The following NHSL2 variants were observed in gnomAD, a reference collection of about 807,000 sequenced individuals.
The protein encoded by NHSL2 is NHS-like protein 2.
In NHSL2, 27 loss-of-function variants were observed where a neutral mutation model predicts 53.4. The observed-to-expected ratio is 0.51, with a 90% CI of 0.37 to 0.70. The LOEUF (loss-of-function observed/expected upper bound fraction) is 0.70. NHSL2 is among the 30% of genes least tolerant of loss of function. The pLI, the probability that NHSL2 is intolerant of heterozygous loss-of-function variation, is 0.00. For synonymous variants in NHSL2, 408 were observed against 404.1 expected, an observed-to-expected ratio of 1.01 and a Z score of -0.12; for missense variants, 892 against 980.1, an observed-to-expected ratio of 0.91 and a Z score of 1.20.
chrX:72,054,313 T>C (rs912593411), intron 1 of NHSL2, among the ~76,000 whole-genome samples: 3 of 111,146 alleles, frequency 2.7e-5, no homozygotes, highest in African/African-American at 9.8e-5. Context: ...CCCCCCAATC[T>C]CCACTCCCAT....
intron 1 of NHSL2, among the ~76,000 whole-genome samples, chrX:72,051,967 C>T (rs1035448219): frequency 6.2e-5 from 7 of 112,478 alleles, no homozygotes; most frequent in Middle Eastern, 4.6e-3. Context: ...TCAGCTCCCA[C>T]TGTACTTTAT....
rs771869094 is a variant in NHSL2, at chrX:72,134,799, CT to C, written c.760+98del. ...TGGGTATTGGGGGAGGGAAGTGAGA[CT>C]TTCTTTGCTACCGGCTCACCTTGCG... On this transcript the variant is annotated intron_variant, in intron 4 of 7. Coordinates refer to ENST00000633930, the MANE Select transcript of NHSL2 (RefSeq NM_001013627.3). 9.7e-5 allele frequency: 63 copies of C among 648,934 alleles called. No individual in the cohort carries two copies. The Admixed American group carries it at 1.8e-3, about 18-fold the overall frequency. 53.5% of individuals were successfully genotyped at this position (648,934 alleles called of 1,213,427 possible).
At position 72,013,019 on chromosome X, in the gene NHSL2, A is replaced by G. The variant is rs189451096; in HGVS notation, c.280+101652A>G. On this transcript the variant is annotated intron_variant, in intron 1 of 7. Coordinates refer to ENST00000633930, the MANE Select transcript of NHSL2 (RefSeq NM_001013627.3). ...TTTTCAAAATTGTTTTGGCTATTCT[A>G]GTTTCTTTGCCTTTCCATATAAATT... 2.7e-5 allele frequency among the ~76,000 whole-genome samples: 3 copies of G among 112,394 alleles called. No individual in the cohort carries two copies. In the East Asian group the frequency reaches 8.3e-4, roughly 31 times the overall value.
intron 1 of NHSL2, among the ~76,000 whole-genome samples, chrX:72,084,431 G>C: frequency 8.9e-6 from 1 of 112,290 alleles, no homozygotes; most frequent in African/African-American, 3.2e-5. Context: ...AGGACTGGTT[G>C]GAGGGAGAAA....
intron 1 of NHSL2, among the ~76,000 whole-genome samples, chrX:72,024,628 A>G (rs1474264460): frequency 8.9e-6 from 1 of 112,089 alleles, no homozygotes; most frequent in Non-Finnish European, 1.9e-5. Context: ...AAGAGCACAC[A>G]AAGCTGTTTC....
chrX:72,021,013 G>A (rs1194493221), intron 1 of NHSL2, among the ~76,000 whole-genome samples: 1 of 111,925 alleles, frequency 8.9e-6, no homozygotes, highest in Non-Finnish European at 1.9e-5. Flanking sequence ...AAGGGCAGGG[G>A]AAACTCCCTA....
intron 1 of NHSL2, among the ~76,000 whole-genome samples, chrX:72,041,309 C>T (rs979367919): frequency 2.7e-5 from 3 of 111,595 alleles, no homozygotes; most frequent in Admixed American, 9.5e-5. Context: ...GCCCTCCGTG[C>T]TCAGAGTACC....
At chrX:72,099,934 C>T (rs1159060637) in intron 1 of NHSL2, among the ~76,000 whole-genome samples, 1 of 111,015 alleles carries the variant, frequency 9.0e-6, no homozygotes, top group Non-Finnish European at 1.9e-5. Context: ...TTCTGGCTAC[C>T]GTATTGAACA....
intron 1 of NHSL2, among the ~76,000 whole-genome samples, chrX:72,022,605 G>A (rs2042165279): frequency 9.0e-6 from 1 of 110,926 alleles, no homozygotes; most frequent in African/African-American, 3.3e-5. Context: ...CATCATGAGG[G>A]ATCCACCCTC....
At position 72,140,700 on chromosome X, in the gene NHSL2, A is replaced by G. The variant is rs768776770; in HGVS notation, c.3152A>G (p.Asp1051Gly). The G allele has an allele frequency of 8.3e-7, 1 of 1,208,658 alleles. No homozygotes were observed. The highest frequency in any genetic ancestry group is 1.1e-6 in the Non-Finnish European group (1 of 893,473). Residue 1051 changes from aspartate (D) to glycine (G), a missense_variant, in exon 6 of 8, where the codon GAC becomes GGC. Transcript: ENST00000633930. ...EDTKCPATGD[D>G]LQSLGQRVTS... is the part of the protein sequence containing the mutation. ...ACCAAGTGTCCCGCCACCGGCGATG[A>G]CCTGCAATCACTTGGTCAAAGGGTG...
intron 1 of NHSL2, among the ~76,000 whole-genome samples, chrX:72,112,280 T>A (rs2042099514): frequency 9.0e-6 from 1 of 110,770 alleles, no homozygotes; most frequent in South Asian, 3.8e-4. Flanking sequence ...TGAGAAGCAA[T>A]GGGAAGATGT....
At chrX:72,099,290 A>C (rs1420663834) in intron 1 of NHSL2, among the ~76,000 whole-genome samples, 3 of 111,420 alleles carry the variant, frequency 2.7e-5, no homozygotes, top group African/African-American at 9.8e-5. Flanking sequence ...TATATACATA[A>C]GTTTGTTTTG....
At chrX:72,013,511 CAT>C (rs1218125540) in intron 1 of NHSL2, among the ~76,000 whole-genome samples, 7 of 108,506 alleles carry the variant, frequency 6.5e-5, no homozygotes, top group Non-Finnish European at 1.3e-4. Flanking sequence ...TTATAATCTA[CAT>C]GTTTTATCTT....
intron 1 of NHSL2, among the ~76,000 whole-genome samples, chrX:71,928,616 C>T (rs1339122840): frequency 9.0e-6 from 1 of 111,149 alleles, no homozygotes; most frequent in African/African-American, 3.3e-5. Flanking sequence ...ACTGTTTCCC[C>T]TCTACCATAT....
chrX:72,084,353 C>A (rs1187345292), intron 1 of NHSL2, among the ~76,000 whole-genome samples: 1 of 112,363 alleles, frequency 8.9e-6, no homozygotes, highest in Non-Finnish European at 1.9e-5. Context: ...CTGGGGTCTG[C>A]AGGTCACATG....
At position 72,139,842 on chromosome X, in the gene NHSL2, C is replaced by A. The variant is rs749538630; in HGVS notation, c.2294C>A (p.Pro765His). The change falls in exon 6 of 8, where the codon CCC becomes CAC. Residue 765 changes from proline (P) to histidine (H), a missense_variant. Pro to His is a moderately conservative substitution (Grantham distance 77). Coordinates refer to ENST00000633930, the MANE Select transcript of NHSL2 (RefSeq NM_001013627.3). ...LPPTSPMEKFPKSRLSFDLPL... is the reference protein window; with the variant it reads ...LPPTSPMEKFHKSRLSFDLPL... ...CCGACGTCACCAATGGAGAAATTTC[C>A]CAAGTCACGGCTATCATTTGACCTA... 5 of 1,208,642 alleles carry A rather than the reference C, an allele frequency of 4.1e-6. No individual in the cohort carries two copies. Among genetic ancestry groups the A allele is most frequent in the Non-Finnish European group, 5.6e-6 (5 of 894,229 alleles).
intron 1 of NHSL2, among the ~76,000 whole-genome samples, chrX:72,092,025 C>T (rs775580889): frequency 7.2e-5 from 8 of 111,562 alleles, no homozygotes; most frequent in Non-Finnish European, 1.5e-4. Flanking sequence ...GGACCAAATA[C>T]AGAACTCAAG....
intron 1 of NHSL2, among the ~76,000 whole-genome samples, chrX:71,916,626 G>C (rs1467272651): frequency 9.0e-6 from 1 of 111,435 alleles, no homozygotes; most frequent in Admixed American, 9.5e-5. Context: ...TCTTATTTAG[G>C]TGGAGGAGAG....
At chrX:71,963,346 G>C (rs1287526744) in intron 1 of NHSL2, among the ~76,000 whole-genome samples, 1 of 110,388 alleles carries the variant, frequency 9.1e-6, no homozygotes, top group Non-Finnish European at 1.9e-5. Context: ...TTAATGCAAG[G>C]AAAGCATAAA....
Sources: allele counts gnomAD v4.1 joint callset (sites outside exome capture counted in the v4.1 genomes callset), GRCh38; gene constraint gnomAD v4.1.1; transcripts MANE v1.5; gene names NCBI Gene and HGNC (gene_info 2026-07-23, HGNC 2026-07-21).